MTMR2: variants seen among roughly 807,000 people sequenced by gnomAD.
MTMR2 encodes myotubularin related protein 2.
Under a neutral mutation model 86.9 loss-of-function variants are expected in MTMR2, and 55 were observed. The observed-to-expected ratio is 0.63, with a 90% CI of 0.51 to 0.79. MTMR2 has a LOEUF of 0.79. Ranked by LOEUF, MTMR2 falls within the 30% of genes least tolerant of loss-of-function variation. The probability of loss-of-function intolerance (pLI) is 0.00; values close to 1 mark genes in which losing one functional copy is unlikely to be tolerated. For synonymous variants in MTMR2, 241 were observed against 266.8 expected, an observed-to-expected ratio of 0.90 and a Z score of 0.94; for missense variants, 659 against 772.3, an observed-to-expected ratio of 0.85 and a Z score of 1.74.
chr11:95,850,813 C>G, intron 7 of MTMR2, 64 bp from the exon 8 acceptor site: 2 of 1,474,992 alleles, frequency 1.4e-6, no homozygotes, highest in Non-Finnish European at 1.9e-6. Context: ...GACACCAGGA[C>G]AGAAGCCATC....
intron 5 of MTMR2, among the ~76,000 whole-genome samples, chr11:95,861,336 G>A (rs1864412095): frequency 6.6e-6 from 1 of 150,540 alleles, no homozygotes; most frequent in Admixed American, 6.6e-5. Flanking sequence ...TTTTTATAAG[G>A]CTCAAAGTGA....
At chr11:95,912,486 G>C (rs1866547639) in intron 1 of MTMR2, among the ~76,000 whole-genome samples, 1 of 151,026 alleles carries the variant, frequency 6.6e-6, no homozygotes, top group South Asian at 2.1e-4. Flanking sequence ...AAAATGTCTT[G>C]AAATATTAAA....
intron 1 of MTMR2, among the ~76,000 whole-genome samples, chr11:95,910,914 T>C (rs1051317707): frequency 9.2e-5 from 14 of 152,062 alleles, no homozygotes; most frequent in African/African-American, 2.9e-4. Flanking sequence ...GCAGTGTGTA[T>C]AAAACATTTG....
intron 1 of MTMR2, among the ~76,000 whole-genome samples, chr11:95,897,248 G>C (rs1244047142): frequency 6.6e-6 from 1 of 152,056 alleles, no homozygotes; most frequent in Non-Finnish European, 1.5e-5. Flanking sequence ...TCTGAAATGA[G>C]TATTCTGCCT....
chr11:95,874,369 G>C (rs1363166107), intron 2 of MTMR2, among the ~76,000 whole-genome samples: 2 of 152,058 alleles, frequency 1.3e-5, no homozygotes, highest in Non-Finnish European at 2.9e-5. Flanking sequence ...TGTGTCTTTT[G>C]ATCTTTGTTG....
chr11:95,923,398 T>G (rs1400475645), intron 1 of MTMR2, among the ~76,000 whole-genome samples: 1 of 151,524 alleles, frequency 6.6e-6, no homozygotes, highest in Non-Finnish European at 1.5e-5. Flanking sequence ...TGAAAGAAAT[T>G]AAGAAGGTGA....
At chr11:95,880,065 T>C (rs1005883807) in intron 2 of MTMR2, among the ~76,000 whole-genome samples, 1 of 151,838 alleles carries the variant, frequency 6.6e-6, no homozygotes, top group African/African-American at 2.4e-5. Flanking sequence ...ATAAGTATTT[T>C]TATAATAGAA....
intron 14 of MTMR2, among the ~76,000 whole-genome samples, chr11:95,835,909 G>A (rs1863250699): frequency 6.6e-6 from 1 of 152,002 alleles, no homozygotes; most frequent in South Asian, 2.1e-4. Context: ...CCAGACAGAG[G>A]AGGGAAGATG....
chr11:95,838,187 G>C lies in MTMR2; in HGVS notation c.1500C>G (p.Phe500Leu). ...AAATGGTAATGAGAAAATACTCATT[G>C]AATTCAAATGCGGTAGGAAACTGCA... ...MTRQFPTAFE[F>L]NEYFLITILD... The change falls in exon 13 of 15, where the codon TTC (phenylalanine) becomes TTG (leucine). Residue 500 changes from phenylalanine to leucine, a missense_variant. This residue lies in a region of MTMR2 where 193 missense variants were observed against 191.6 expected (regional missense o/e 1.01). Transcript: ENST00000346299. 2 of 1,598,584 alleles carry C rather than the reference G, an allele frequency of 1.3e-6. No individual in the cohort carries two copies. The highest frequency in any genetic ancestry group is 1.7e-6 in the Non-Finnish European group (2 of 1,166,248).
At chr11:95,923,757 G>A in intron 1 of MTMR2, 118 bp downstream of exon 1, 1 of 1,486,034 alleles carries the variant, frequency 6.7e-7, no homozygotes, top group South Asian at 1.3e-5. Context: ...CCCGGGGAAG[G>A]AATTCCGGCG....
At chr11:95,920,925 A>G (rs1866897055) in intron 1 of MTMR2, among the ~76,000 whole-genome samples, 1 of 152,206 alleles carries the variant, frequency 6.6e-6, no homozygotes, top group Non-Finnish European at 1.5e-5. Context: ...TCAAAAAACA[A>G]TGGGCAACCA....
intron 1 of MTMR2, among the ~76,000 whole-genome samples, chr11:95,906,585 A>G (rs1387892747): frequency 2.0e-5 from 3 of 152,184 alleles, no homozygotes; most frequent in Non-Finnish European, 4.4e-5. Context: ...CAAAAACAAC[A>G]TTCTTCTCAT....
At chr11:95,888,128 CAT>C (rs1865577503) in intron 2 of MTMR2, 26 bp downstream of exon 2, 3 of 1,483,320 alleles carry the variant, frequency 2.0e-6, no homozygotes, top group Non-Finnish European at 2.8e-6. Context: ...GAAAGTACTT[CAT>C]CAGAACTTTA....
rs201335011 is a variant in MTMR2, at chr11:95,861,401, G to GGTT, written c.468+588_468+590dup. On this transcript the variant is annotated intron_variant, in intron 5 of 14. Coordinates refer to ENST00000346299, the MANE Select transcript of MTMR2 (RefSeq NM_016156.6). The stretch of plus-strand genomic sequence containing the variant: ...TATCAGTACTATGTGCATTAAAGAT[G>GGTT]GTTATTATTATTATTATTATTATTA... Among the ~76,000 whole-genome samples the GGTT allele has an allele frequency of 7.4e-3, 676 of 91,452 alleles. 4 individuals are homozygous for GGTT. Among genetic ancestry groups the GGTT allele is most frequent in the African/African-American group, 0.03 (592 of 19,810 alleles). 60.0% of individuals were successfully genotyped at this position (91,452 alleles called of 152,430 possible).
chr11:95,892,441 G>C (rs1372075613), intron 1 of MTMR2, among the ~76,000 whole-genome samples: 1 of 152,144 alleles, frequency 6.6e-6, no homozygotes, highest in Non-Finnish European at 1.5e-5. Flanking sequence ...CATTAGACTA[G>C]AGAACTTCAG....
chr11:95,833,577 C>T lies in MTMR2; in HGVS notation c.*1713G>A, dbSNP rs1863120545. 6.6e-6 allele frequency: 1 copy of T among 151,942 alleles called. No individual in the cohort carries two copies. Among genetic ancestry groups the T allele is most frequent in the African/African-American group, 2.4e-5 (1 of 41,370 alleles). The allele number at this position is 151,942 out of a possible 1,614,324, so 9.4% of individuals were successfully genotyped here. A position where few individuals can be genotyped will look rare whatever the true frequency, so the allele number is the denominator to read the frequency against. ...AGTGGTAGGGTTGCACTTAGATTTC[C>T]CTGGCTTTTGATTTGAATTTGAAGT... On this transcript the variant is annotated 3_prime_UTR_variant, in exon 15 of 15. Coordinates refer to ENST00000346299, the MANE Select transcript of MTMR2 (RefSeq NM_016156.6).
chr11:95,868,204 C>G (rs1338384055), intron 2 of MTMR2, among the ~76,000 whole-genome samples: 1 of 125,124 alleles, frequency 8.0e-6, no homozygotes, highest in African/African-American at 3.1e-5. Context: ...CCCCAGAAGT[C>G]AAGGCTTCAG....
chr11:95,870,433 A>G (rs1196762412), intron 2 of MTMR2, among the ~76,000 whole-genome samples: 3 of 152,194 alleles, frequency 2.0e-5, no homozygotes, highest in Admixed American at 6.5e-5. Context: ...AGATGAAATG[A>G]TGATAATCTA....
In MTMR2 at chr11:95,835,471, A is replaced by T; in HGVS notation, c.1771-20T>A. 6.3e-7 allele frequency: 1 copy of T among 1,588,928 alleles called. No homozygotes were observed. The highest frequency in any genetic ancestry group is 1.1e-5 in the South Asian group (1 of 90,906). On this transcript the variant is annotated intron_variant, in intron 14 of 14. Coordinates refer to ENST00000346299, the MANE Select transcript of MTMR2 (RefSeq NM_016156.6). ...AGGTTCCTGCAAGAGCAAAACATAA[A>T]ATATTCAACTAGGCAATCCTGACCA...
Sources: allele counts gnomAD v4.1 joint callset (sites outside exome capture counted in the v4.1 genomes callset), GRCh38; gene constraint gnomAD v4.1.1; regional missense constraint gnomAD v4.1.1; transcripts MANE v1.5; gene names NCBI Gene and HGNC (gene_info 2026-07-23, HGNC 2026-07-21).